Variants in MBP observed in about 807,000 individuals in gnomAD.
MBP encodes the protein myelin basic protein.
Under a neutral mutation model 35.8 loss-of-function variants are expected in MBP, and 16 were observed. The observed-to-expected ratio is 0.45, with a 90% CI of 0.30 to 0.68. The LOEUF is 0.68. Among genes scored for constraint, MBP ranks in the 30% least tolerant of loss-of-function variants. The probability of loss-of-function intolerance (pLI) is 0.08; values close to 1 mark genes in which losing one functional copy is unlikely to be tolerated. For synonymous variants in MBP, 143 were observed against 159.6 expected, an observed-to-expected ratio of 0.90 and a Z score of 0.78; for missense variants, 380 against 404.7, an observed-to-expected ratio of 0.94 and a Z score of 0.52.
intron 2 of MBP, among the ~76,000 whole-genome samples, chr18:77,082,758 C>CT (rs59477154): frequency 0.064 from 2,377 of 36,968 alleles, 1 homozygote; most frequent in South Asian, 0.11. Context: ...CCTGCAGCAG[C>CT]AGCTGGACCA....
chr18:77,066,951 T>G (rs1262623696), intron 2 of MBP, among the ~76,000 whole-genome samples: 1 of 152,236 alleles, frequency 6.6e-6, no homozygotes, highest in Non-Finnish European at 1.5e-5. Context: ...ATCTTCGGCT[T>G]CAGAGTTTCT....
In MBP at chr18:77,029,703, C is replaced by T. The variant is rs565882448; in HGVS notation, c.140-12435G>A. ...CTTTAAAAGTAGTATGTTTTGGTAG[C>T]GCATCTAGTTAGGTTTAAAGCCCAG... On this transcript the variant is annotated intron_variant, in intron 3 of 8. Transcript: ENST00000355994. 5.9e-5 allele frequency among the ~76,000 whole-genome samples: 9 copies of T among 152,074 alleles called. 1 individual carries two copies. The South Asian group carries it at 1.7e-3, about 28-fold the overall frequency.
rs1008299864 is a variant in MBP at position 77,119,278 on chromosome 18, C to T, written c.-26+13302G>A. On this transcript the variant is annotated intron_variant, in intron 1 of 8. Transcript: ENST00000355994. Reference sequence around the variant, plus strand: ...TGAGAAGAGCCACTGTGTCACTGCCCGAGCACTGTTCTGCTTCCCCATCCC... The same window carrying T: ...TGAGAAGAGCCACTGTGTCACTGCCTGAGCACTGTTCTGCTTCCCCATCCC... 2.6e-5 allele frequency among the ~76,000 whole-genome samples: 4 copies of T among 152,076 alleles called. No individual in the cohort carries two copies. The South Asian group carries it at 8.3e-4, about 32-fold the overall frequency.
intron 7 of MBP, chr18:76,987,748 C>T (rs1399706398): frequency 3.0e-6 from 3 of 1,000,752 alleles, no homozygotes; most frequent in Non-Finnish European, 2.4e-6. Context: ...AACTTTTATA[C>T]AGTAAGAATC....
At chr18:77,013,858 T>A (rs1321391606) in intron 4 of MBP, 2 of 985,252 alleles carry the variant, frequency 2.0e-6, no homozygotes, top group African/African-American at 3.5e-5. Context: ...TTCCTCCACA[T>A]AAAAAGGAAG....
intron 4 of MBP, chr18:77,014,146 C>T: frequency 2.0e-6 from 2 of 985,450 alleles, no homozygotes; most frequent in African/African-American, 3.5e-5. Flanking sequence ...TCATTTACGG[C>T]TCTCAAAAGA....
chr18:77,082,085 C>T (rs1974970936), intron 2 of MBP, among the ~76,000 whole-genome samples: 1 of 151,848 alleles, frequency 6.6e-6, no homozygotes. Flanking sequence ...ATCTCCTGAC[C>T]TTGTGATCCG....
chr18:77,058,427 C>G (rs1973829273), intron 3 of MBP, among the ~76,000 whole-genome samples: 1 of 152,176 alleles, frequency 6.6e-6, no homozygotes, highest in African/African-American at 2.4e-5. Flanking sequence ...CCGCACAGCT[C>G]GCCAGCCACG....
At chr18:77,006,815 G>T (rs1265090337) in intron 4 of MBP, 1 of 152,352 alleles carries the variant, frequency 6.6e-6, no homozygotes, top group Admixed American at 6.5e-5. Flanking sequence ...TCTTTGCCTT[G>T]TTGCCTATTT....
intron 2 of MBP, among the ~76,000 whole-genome samples, chr18:77,096,331 A>G (rs1975756145): frequency 6.6e-6 from 1 of 152,222 alleles, no homozygotes; most frequent in Non-Finnish European, 1.5e-5. Context: ...GGAGAGTGTC[A>G]TCAAGAAAGA....
At chr18:77,015,586 T>G in intron 4 of MBP, 1 of 985,442 alleles carries the variant, frequency 1.0e-6, no homozygotes, top group South Asian at 4.7e-5. Context: ...CATTTACAAA[T>G]AAGTCACGGC....
At chr18:77,124,630 G>A (rs1407464350) in intron 1 of MBP, among the ~76,000 whole-genome samples, 1 of 151,596 alleles carries the variant, frequency 6.6e-6, no homozygotes, top group Admixed American at 6.6e-5. Context: ...AGTCTCCCTC[G>A]GGGCCAGTGG....
rs140857088 is a variant in MBP at position 77,119,934 on chromosome 18, G to A, written c.-26+12646C>T. On this transcript the variant is annotated intron_variant, in intron 1 of 8. Coordinates refer to ENST00000355994, the MANE Select transcript of MBP (RefSeq NM_001025101.2). ...AGAGAGGGCCCTGGGGCAGCCACGGGAGAGGCCTGGGCGCAGTGGGAGCAG... is the reference window on the plus strand; with the variant it reads ...AGAGAGGGCCCTGGGGCAGCCACGGAAGAGGCCTGGGCGCAGTGGGAGCAG... Among the ~76,000 whole-genome samples the A allele has an allele frequency of 1.0e-3, 156 of 152,318 alleles. 1 individual carries two copies. The highest frequency in any genetic ancestry group is 3.6e-3 in the African/African-American group (151 of 41,578).
At chr18:77,133,084 T>TCCGAA (rs1195064105), upstream of MBP, among the ~76,000 whole-genome samples, 11 of 151,490 alleles carry the variant, frequency 7.3e-5, no homozygotes, top group Non-Finnish European at 1.3e-4. Flanking sequence ...AGGCTTGGCC[T>TCCGAA]CCGAACCCAC....
chr18:77,055,129 G>A (rs1238240943), intron 3 of MBP, among the ~76,000 whole-genome samples: 2 of 152,224 alleles, frequency 1.3e-5, no homozygotes, highest in African/African-American at 4.8e-5. Flanking sequence ...CGGCAGCGCC[G>A]CCTGCTGCTG....
chr18:76,992,917 C>T (rs1970028749), intron 4 of MBP, among the ~76,000 whole-genome samples: 1 of 152,236 alleles, frequency 6.6e-6, no homozygotes, highest in African/African-American at 2.4e-5. Context: ...GCATCCTCTG[C>T]CCTGGGCCTT....
chr18:77,120,332 C>T lies in MBP; in HGVS notation c.-26+12248G>A, dbSNP rs116767981. Among the ~76,000 whole-genome samples the T allele has an allele frequency of 4.7e-3, 720 of 152,328 alleles. 7 individuals are homozygous for T. The highest frequency in any genetic ancestry group is 0.016 in the African/African-American group (680 of 41,582). On this transcript the variant is annotated intron_variant, in intron 1 of 8. Coordinates refer to ENST00000355994, the MANE Select transcript of MBP (RefSeq NM_001025101.2). Reference sequence around the variant, plus strand: ...GCCAGGTGACCTCAGACGCGCTGCACACACCTGGGAGGCTGCAGAGGGGCA... The same window carrying T: ...GCCAGGTGACCTCAGACGCGCTGCATACACCTGGGAGGCTGCAGAGGGGCA...
intron 3 of MBP, among the ~76,000 whole-genome samples, chr18:77,053,249 G>A (rs534627129): frequency 2.1e-4 from 32 of 152,272 alleles, no homozygotes; most frequent in Admixed American, 3.3e-4. Flanking sequence ...CTGTCCTCAT[G>A]GTGGCTGCTT....
intron 1 of MBP, among the ~76,000 whole-genome samples, chr18:77,119,350 C>A (rs370096935): frequency 6.6e-6 from 1 of 152,324 alleles, no homozygotes; most frequent in Admixed American, 6.5e-5. Flanking sequence ...CACACCCAGC[C>A]GGGTCTCTGT....
Sources: gnomAD v4.1 joint callset for allele counts (sites outside exome capture counted in the v4.1 genomes callset) on GRCh38, gnomAD v4.1.1 for gene constraint, MANE v1.5 for transcripts, NCBI Gene and HGNC (gene_info 2026-07-23, HGNC 2026-07-21) for gene names.